The following WFDC1 variants were observed in gnomAD, a reference collection of about 807,000 sequenced individuals.
WFDC1 encodes WAP four-disulfide core domain protein 1.
In WFDC1, 39 loss-of-function variants were observed where a neutral mutation model predicts 32.9. The observed-to-expected ratio is 1.19, with a 90% CI of 0.92 to 1.55. The LOEUF is 1.55. WFDC1 is among the 40% of genes most tolerant of loss of function. WFDC1 has a pLI of 0.00. For missense variants in WFDC1, 386 were observed against 309.5 expected (o/e 1.25, Z -1.85); for synonymous variants, 184 against 137.4 (o/e 1.34, Z -2.37).
At chr16:84,306,918 C>G (rs1907296910) in intron 1 of WFDC1, among the ~76,000 whole-genome samples, 1 of 152,132 alleles carries the variant, frequency 6.6e-6, no homozygotes. Flanking sequence ...AAACAGCAAA[C>G]AAATGAGTTC....
chr16:84,296,396 G>A (rs1326726758), intron 1 of WFDC1, among the ~76,000 whole-genome samples: 1 of 152,190 alleles, frequency 6.6e-6, no homozygotes, highest in Admixed American at 6.5e-5. Context: ...ACATTCTTGT[G>A]GGTGAATTAT....
intron 1 of WFDC1, chr16:84,295,379 A>C: frequency 2.0e-6 from 1 of 498,254 alleles, no homozygotes; most frequent in Non-Finnish European, 3.5e-6. Context: ...GCCTTGTTAC[A>C]AAAGTATGCT....
intron 5 of WFDC1, chr16:84,326,588 T>A (rs368963942): frequency 4.1e-5 from 15 of 370,226 alleles, no homozygotes; most frequent in Admixed American, 7.7e-5. Context: ...CAGAATGGCA[T>A]GTGTGAAGCT....
At chr16:84,306,073 T>G (rs376807386) in intron 1 of WFDC1, among the ~76,000 whole-genome samples, 1 of 151,878 alleles carries the variant, frequency 6.6e-6, no homozygotes, top group East Asian at 1.9e-4. Context: ...AGGTGAACTA[T>G]GGATTAGCAT....
At position 84,326,886 on chromosome 16, in the gene WFDC1, T is replaced by G; in HGVS notation, c.609T>G (p.Gly203=). ...AGAGCTGTGTTCTTTTCACAGAAGG[T>G]GACTCAAAGAATGTGGCAGAACCTG... ...RHKLYKEYPE[G]DSKNVAEPGR... The change falls in exon 6 of 7, where the codon GGT becomes GGG. Residue 203 remains glycine (G), a synonymous_variant. Transcript: ENST00000219454. 3 of 1,613,932 alleles carry G rather than the reference T, an allele frequency of 1.9e-6. No homozygotes were observed. Among genetic ancestry groups the G allele is most frequent in the Non-Finnish European group, 2.5e-6 (3 of 1,179,990 alleles).
At chr16:84,319,104 C>T (rs567574507) in intron 3 of WFDC1, 2 of 380,112 alleles carry the variant, frequency 5.3e-6, no homozygotes, top group African/African-American at 2.0e-5. Flanking sequence ...TCTGTGTCCC[C>T]ATGCGACTGT....
chr16:84,299,409 C>T (rs1906803421), intron 1 of WFDC1, among the ~76,000 whole-genome samples: 1 of 151,918 alleles, frequency 6.6e-6, no homozygotes, highest in Non-Finnish European at 1.5e-5. Flanking sequence ...CCAAAAACCC[C>T]ATTCCAGAAC....
At position 84,326,926 on chromosome 16, in the gene WFDC1, A is replaced by T; in HGVS notation, c.649A>T (p.Lys217Ter). 6.2e-7 allele frequency: 1 copy of T among 1,614,088 alleles called. No homozygotes were observed. Among genetic ancestry groups the T allele is most frequent in the Non-Finnish European group, 8.5e-7 (1 of 1,180,018 alleles). Residue 217 changes from lysine to a stop codon, truncating the protein, a stop_gained, in exon 6 of 7, where the codon AAG becomes TAG. Coordinates refer to ENST00000219454, the MANE Select transcript of WFDC1 (RefSeq NM_021197.4). LOFTEE classifies it high-confidence loss of function. Reference protein sequence around the residue: ...NVAEPGRGQQKHFQ With the variant: ...NVAEPGRGQQ ...GGCAGAACCTGGAAGGGGACAACAG[A>T]AGCACTTTCAGTAAAGCAACGGCAA... is the stretch of plus-strand genomic sequence containing the variant.
In WFDC1 at chr16:84,326,962, G is replaced by A. The variant is rs1241472570; in HGVS notation, c.*15+7G>A. The A allele has an allele frequency of 2.5e-6, 4 of 1,613,970 alleles. No homozygotes were observed. The highest frequency in any genetic ancestry group is 2.5e-6 in the Non-Finnish European group (3 of 1,179,916). On this transcript the variant is annotated splice_region_variant and intron_variant, in intron 6 of 6. Transcript: ENST00000219454. ...GTAAAGCAACGGCAAGCAGGTGAGT[G>A]GGCAGAGAGCAAGAGTCATGGCCAG... is the stretch of plus-strand genomic sequence containing the variant.
Position 84,326,942 on chromosome 16 carries a change from G to C in WFDC1, c.*2G>C, listed in dbSNP as rs140842765. 4 of 1,613,964 alleles carry C rather than the reference G, an allele frequency of 2.5e-6. No homozygotes were observed. The East Asian group carries it at 8.9e-5, about 36-fold the overall frequency. On this transcript the variant is annotated 3_prime_UTR_variant, in exon 6 of 7. Transcript: ENST00000219454. Reference sequence around the variant, plus strand: ...GGACAACAGAAGCACTTTCAGTAAAGCAACGGCAAGCAGGTGAGTGGGCAG... The same window carrying C: ...GGACAACAGAAGCACTTTCAGTAAACCAACGGCAAGCAGGTGAGTGGGCAG...
chr16:84,299,339 T>A (rs772805165), intron 1 of WFDC1, among the ~76,000 whole-genome samples: 1 of 149,964 alleles, frequency 6.7e-6, no homozygotes, highest in African/African-American at 2.5e-5. Flanking sequence ...GATTCCAGCC[T>A]GGGCAAGAAG....
chr16:84,302,185 C>G (rs576864197), intron 1 of WFDC1, among the ~76,000 whole-genome samples: 1 of 151,954 alleles, frequency 6.6e-6, no homozygotes, highest in South Asian at 2.1e-4. Context: ...GAAGGAGATT[C>G]TTGGTTGCCA....
At chr16:84,318,910 TTGTGTGTGTGTGTG>T (rs58546650) in intron 3 of WFDC1, 91 of 165,698 alleles carry the variant, frequency 5.5e-4, no homozygotes, top group South Asian at 1.7e-3. Context: ...GGCTGAATAT[TTGTGTGTGTGTGTG>T]TGTGTGTGTG....
At chr16:84,326,008 A>G (rs2151380940) in intron 5 of WFDC1, 1 of 149,558 alleles carries the variant, frequency 6.7e-6, no homozygotes, top group South Asian at 2.1e-4. Flanking sequence ...TCATCCATCC[A>G]CCCATATATC....
At chr16:84,304,833 C>G (rs1355746468) in intron 1 of WFDC1, among the ~76,000 whole-genome samples, 2 of 152,104 alleles carry the variant, frequency 1.3e-5, no homozygotes, top group African/African-American at 2.4e-5. Flanking sequence ...TACCTGGGGG[C>G]CCCCATTTTG....
intron 1 of WFDC1, among the ~76,000 whole-genome samples, chr16:84,300,251 C>T (rs1008331296): frequency 2.0e-5 from 3 of 152,246 alleles, no homozygotes; most frequent in Admixed American, 6.5e-5. Flanking sequence ...GAGGTAACAC[C>T]TGTAGGAGCA....
chr16:84,299,247 C>G (rs1005017733), intron 1 of WFDC1, among the ~76,000 whole-genome samples: 3 of 152,050 alleles, frequency 2.0e-5, no homozygotes, highest in Admixed American at 1.3e-4. Context: ...GCCTGTAATC[C>G]CAGCTACTCG....
At chr16:84,310,124 C>T (rs1025527789) in intron 1 of WFDC1, among the ~76,000 whole-genome samples, 5 of 151,808 alleles carry the variant, frequency 3.3e-5, no homozygotes, top group African/African-American at 7.3e-5. Flanking sequence ...TTGAAGGGGT[C>T]GCTCACTGGT....
intron 1 of WFDC1, among the ~76,000 whole-genome samples, chr16:84,308,383 G>A (rs570159718): frequency 2.0e-5 from 3 of 152,314 alleles, no homozygotes; most frequent in East Asian, 3.9e-4. Context: ...GAAGGACTGC[G>A]CTCGGTCCCA....
Sources: gnomAD v4.1 joint callset for allele counts (sites outside exome capture counted in the v4.1 genomes callset) on GRCh38, gnomAD v4.1.1 for gene constraint, MANE v1.5 for transcripts, NCBI Gene and HGNC (gene_info 2026-07-23, HGNC 2026-07-21) for gene names.